Variants in CDK14 observed in about 807,000 individuals in gnomAD.
The protein encoded by CDK14 is cyclin-dependent kinase 14.
A neutral mutation model predicts 60.7 loss-of-function variants in CDK14; 34 were observed. The ratio of observed to expected loss-of-function variants is 0.56; its 90% CI spans 0.43 to 0.75. The LOEUF is 0.75. Ranked by LOEUF, CDK14 falls within the 30% of genes least tolerant of loss-of-function variation. CDK14 has a pLI of 0.00. For missense variants in CDK14, 482 were observed against 564.1 expected (o/e 0.85, Z 1.47); for synonymous variants, 197 against 203.7 (o/e 0.97, Z 0.28).
intron 2 of CDK14, among the ~76,000 whole-genome samples, chr7:90,618,662 G>T (rs752038188): frequency 6.6e-6 from 1 of 152,150 alleles, no homozygotes; most frequent in Non-Finnish European, 1.5e-5. Flanking sequence ...ATGATTGGCC[G>T]TCTTCTGCTA....
chr7:90,968,574 C>G (rs1401930775), intron 9 of CDK14, among the ~76,000 whole-genome samples: 1 of 152,078 alleles, frequency 6.6e-6, no homozygotes, highest in Non-Finnish European at 1.5e-5. Context: ...TTGAGCTTGG[C>G]AAAGCTTTTC....
In CDK14 at chr7:90,882,748, G is replaced by T. The variant is rs1462789599; in HGVS notation, c.640-16543G>T. Reference sequence around the variant, plus strand: ...GGACTGAAATCATAACAGTCTCTCAGACCACAATGCAATCAAATTAGAACT... The same window carrying T: ...GGACTGAAATCATAACAGTCTCTCATACCACAATGCAATCAAATTAGAACT... On this transcript the variant is annotated intron_variant, in intron 6 of 14. Coordinates refer to ENST00000380050, the MANE Select transcript of CDK14 (RefSeq NM_001287135.2). 2.0e-5 allele frequency among the ~76,000 whole-genome samples: 3 copies of T among 152,134 alleles called. No homozygotes were observed. The East Asian group carries it at 5.8e-4, about 29-fold the overall frequency.
At chr7:90,928,271 T>A (rs960204410) in intron 8 of CDK14, among the ~76,000 whole-genome samples, 5 of 152,246 alleles carry the variant, frequency 3.3e-5, no homozygotes, top group Non-Finnish European at 5.9e-5. Context: ...GGCGATGAAC[T>A]GCGTTCCTTT....
At chr7:90,688,113 A>G (rs929116945) in intron 2 of CDK14, among the ~76,000 whole-genome samples, 3 of 152,174 alleles carry the variant, frequency 2.0e-5, no homozygotes, top group Non-Finnish European at 2.9e-5. Flanking sequence ...CTCTAAGGGA[A>G]GTATTAGGGG....
intron 4 of CDK14, among the ~76,000 whole-genome samples, chr7:90,784,152 C>T (rs959795998): frequency 6.6e-6 from 1 of 152,124 alleles, no homozygotes; most frequent in African/African-American, 2.4e-5. Flanking sequence ...AGGACATTAA[C>T]TTCGTAAATA....
intron 14 of CDK14, among the ~76,000 whole-genome samples, chr7:91,143,695 A>G (rs1434202366): frequency 6.6e-6 from 1 of 151,250 alleles, no homozygotes; most frequent in Non-Finnish European, 1.5e-5. Context: ...CCTGTGTTAC[A>G]GAGTGAGACC....
chr7:90,880,597 A>C (rs555053465), intron 6 of CDK14, among the ~76,000 whole-genome samples: 10 of 152,254 alleles, frequency 6.6e-5, no homozygotes, highest in South Asian at 6.2e-4. Flanking sequence ...GCTTCCTTAA[A>C]TAGTTCCTGC....
chr7:91,079,780 C>T (rs920275235), intron 12 of CDK14, among the ~76,000 whole-genome samples: 1 of 152,184 alleles, frequency 6.6e-6, no homozygotes, highest in Admixed American at 6.5e-5. Flanking sequence ...GTATCAGCAA[C>T]ATAGCATTTA....
At chr7:90,765,213 A>G (rs569359306) in intron 4 of CDK14, among the ~76,000 whole-genome samples, 78 of 152,330 alleles carry the variant, frequency 5.1e-4, no homozygotes, top group African/African-American at 1.7e-3. Context: ...TGAGAAAGCA[A>G]TGGTCTAGGT....
At chr7:90,942,798 T>G (rs1370424947) in intron 8 of CDK14, among the ~76,000 whole-genome samples, 1 of 152,248 alleles carries the variant, frequency 6.6e-6, no homozygotes, top group Non-Finnish European at 1.5e-5. Flanking sequence ...TTAATTTCAC[T>G]GCTTGCCCCA....
At chr7:90,827,237 C>T (rs191898850) in intron 5 of CDK14, among the ~76,000 whole-genome samples, 1 of 152,264 alleles carries the variant, frequency 6.6e-6, no homozygotes, top group East Asian at 1.9e-4. Context: ...TTTCATTCAG[C>T]AATTTGCATT....
chr7:90,721,628 C>G (rs968102325), intron 2 of CDK14, among the ~76,000 whole-genome samples: 1 of 152,098 alleles, frequency 6.6e-6, no homozygotes, highest in Non-Finnish European at 1.5e-5. Context: ...CTATTACTTT[C>G]CAAAGATTTC....
At chr7:90,783,520 C>G (rs1198990188) in intron 4 of CDK14, among the ~76,000 whole-genome samples, 6 of 151,920 alleles carry the variant, frequency 3.9e-5, no homozygotes, top group African/African-American at 9.7e-5. Flanking sequence ...GTTCAGCAGA[C>G]AAGGGATTAA....
intron 5 of CDK14, among the ~76,000 whole-genome samples, chr7:90,810,191 C>A (rs1451185336): frequency 6.6e-6 from 1 of 152,166 alleles, no homozygotes; most frequent in Non-Finnish European, 1.5e-5. Context: ...AGACCAATAT[C>A]CCTCATGAAC....
At chr7:91,061,840 G>A (rs180965964) in intron 11 of CDK14, among the ~76,000 whole-genome samples, 1 of 152,326 alleles carries the variant, frequency 6.6e-6, no homozygotes, top group East Asian at 1.9e-4. Context: ...TAGGCTACTT[G>A]GGGGTCAGGG....
At chr7:90,792,059 C>T (rs375137835) in intron 5 of CDK14, among the ~76,000 whole-genome samples, 28 of 151,972 alleles carry the variant, frequency 1.8e-4, no homozygotes, top group South Asian at 1.5e-3. Flanking sequence ...TGCGCCACTA[C>T]GCCTGGCTAA....
At chr7:91,063,830 A>G (rs1038227313) in intron 11 of CDK14, among the ~76,000 whole-genome samples, 1 of 152,196 alleles carries the variant, frequency 6.6e-6, no homozygotes, top group Non-Finnish European at 1.5e-5. Context: ...ACTGTAAAAG[A>G]TGGTCAGTTT....
At position 90,646,880 on chromosome 7, in the gene CDK14, A is replaced by C. The variant is rs1331028786; in HGVS notation, c.123+42631A>C. On this transcript the variant is annotated intron_variant, in intron 2 of 14. Transcript: ENST00000380050. ...GAATGGATAGTTTTGTTAACAACTAAATATTGAGTCACATATGGTAATATA... is the reference window on the plus strand; with the variant it reads ...GAATGGATAGTTTTGTTAACAACTACATATTGAGTCACATATGGTAATATA... 2.6e-5 allele frequency among the ~76,000 whole-genome samples: 4 copies of C among 152,290 alleles called. No homozygotes were observed. In the East Asian group the frequency reaches 7.7e-4, roughly 29 times the overall value.
chr7:90,745,234 A>G (rs760490391), intron 3 of CDK14, among the ~76,000 whole-genome samples: 3 of 152,072 alleles, frequency 2.0e-5, no homozygotes, highest in African/African-American at 4.8e-5. Flanking sequence ...TACATCTTAT[A>G]TTGAGATAAT....
Sources: allele counts gnomAD v4.1 joint callset (sites outside exome capture counted in the v4.1 genomes callset), GRCh38; gene constraint gnomAD v4.1.1; transcripts MANE v1.5; gene names NCBI Gene and HGNC (gene_info 2026-07-23, HGNC 2026-07-21).